The following SKIC3 variants were observed in gnomAD, a reference collection of about 807,000 sequenced individuals.
The protein encoded by SKIC3 is superkiller complex protein 3.
At chr5:95,514,779 T>G in the SKIC3 span, 13 of 1,477,616 alleles carry the variant, frequency 8.8e-6, no homozygotes, top group Non-Finnish European at 1.1e-5. Context: ...CCGTTACCAT[T>G]ATTATCACTG....
At chr5:95,526,673 C>A in the SKIC3 span, among the ~76,000 whole-genome samples, 1 of 151,996 alleles carries the variant, frequency 6.6e-6, no homozygotes, top group African/African-American at 2.4e-5. Context: ...AGAGTTTCAC[C>A]ATATTGGCTG....
chr5:95,503,673 G>A, the SKIC3 span: 6 of 1,126,334 alleles, frequency 5.3e-6, no homozygotes, highest in Non-Finnish European at 7.9e-6. Flanking sequence ...AAAGTGCCTA[G>A]TATTGCTGCT....
At chr5:95,473,095 A>C in the SKIC3 span, among the ~76,000 whole-genome samples, 1 of 152,106 alleles carries the variant, frequency 6.6e-6, no homozygotes, top group Non-Finnish European at 1.5e-5. Context: ...TCATGGTATG[A>C]TGATCTATTT....
chr5:95,481,181 GT>G, the SKIC3 span, among the ~76,000 whole-genome samples: 3 of 152,056 alleles, frequency 2.0e-5, no homozygotes, highest in African/African-American at 7.2e-5. Flanking sequence ...TATTGATATG[GT>G]TTGGCTGTGT....
chr5:95,474,754 T>C, the SKIC3 span, among the ~76,000 whole-genome samples: 1 of 152,240 alleles, frequency 6.6e-6, no homozygotes, highest in Non-Finnish European at 1.5e-5. Context: ...GAGTTGTAGA[T>C]TTGGTCTCTT....
At chr5:95,471,831 C>T in the SKIC3 span, among the ~76,000 whole-genome samples, 1 of 152,196 alleles carries the variant, frequency 6.6e-6, no homozygotes, top group South Asian at 2.1e-4. Context: ...AGCAGAGACT[C>T]CCAACTTCAT....
the SKIC3 span, chr5:95,478,369 A>G: frequency 5.0e-6 from 8 of 1,614,032 alleles, no homozygotes; most frequent in Non-Finnish European, 6.8e-6. Flanking sequence ...TTGGGATGCC[A>G]ATTGTAGACT....
the SKIC3 span, chr5:95,467,913 AC>A: frequency 1.2e-6 from 2 of 1,613,686 alleles, no homozygotes; most frequent in Non-Finnish European, 8.5e-7. Flanking sequence ...CTCAGTAGGT[AC>A]CAACGTGCAG....
the SKIC3 span, among the ~76,000 whole-genome samples, chr5:95,501,031 C>T: frequency 6.6e-6 from 1 of 152,050 alleles, no homozygotes. Context: ...AGAGTTAATA[C>T]ATATGTGTCC....
At chr5:95,498,454 T>C in the SKIC3 span, 1 of 1,614,200 alleles carries the variant, frequency 6.2e-7, no homozygotes, top group South Asian at 1.1e-5. Context: ...AAGGCACCTC[T>C]GATAATTACT....
chr5:95,528,790 A>T, the SKIC3 span: 1 of 558,000 alleles, frequency 1.8e-6, no homozygotes, highest in Non-Finnish European at 3.2e-6. Flanking sequence ...ATGCAGGAAA[A>T]TTTTGCTAAA....
At chr5:95,493,628 A>G in the SKIC3 span, among the ~76,000 whole-genome samples, 1 of 152,086 alleles carries the variant, frequency 6.6e-6, no homozygotes, top group Non-Finnish European at 1.5e-5. Flanking sequence ...TTTACAAAAT[A>G]ATCCCTGAAA....
chr5:95,503,738 C>T, the SKIC3 span: 1,078 of 1,597,172 alleles, frequency 6.7e-4, 2 homozygotes, highest in Non-Finnish European at 8.4e-4. Flanking sequence ...CTCATTATTA[C>T]ATCTTTCTGT....
At chr5:95,515,491 C>T in the SKIC3 span, among the ~76,000 whole-genome samples, 1 of 151,962 alleles carries the variant, frequency 6.6e-6, no homozygotes, top group Non-Finnish European at 1.5e-5. Context: ...ATACTATTTT[C>T]TCAACAATCT....
At chr5:95,467,822 T>C in the SKIC3 span, 1 of 1,611,040 alleles carries the variant, frequency 6.2e-7, no homozygotes, top group South Asian at 1.1e-5. Flanking sequence ...ACATTTTAAA[T>C]AAAATCAATG....
chr5:95,479,200 C>T, the SKIC3 span, among the ~76,000 whole-genome samples: 1 of 152,138 alleles, frequency 6.6e-6, no homozygotes, highest in African/African-American at 2.4e-5. Flanking sequence ...GATTTAAACA[C>T]ACACACACAA....
chr5:95,499,033 G>C, the SKIC3 span, among the ~76,000 whole-genome samples: 3 of 152,120 alleles, frequency 2.0e-5, no homozygotes, highest in Non-Finnish European at 4.4e-5. Flanking sequence ...TAATATAAAA[G>C]CAAATTTCTT....
the SKIC3 span, among the ~76,000 whole-genome samples, chr5:95,487,060 G>C: frequency 6.6e-6 from 1 of 152,132 alleles, no homozygotes. Context: ...CCCTTAATCT[G>C]GTGGGCACAA....
the SKIC3 span, among the ~76,000 whole-genome samples, chr5:95,545,391 T>G: frequency 6.6e-6 from 1 of 152,194 alleles, no homozygotes; most frequent in South Asian, 2.1e-4. Context: ...CTTAGACTCA[T>G]CCTCATATTG....
Sources: gnomAD v4.1 joint callset for allele counts (sites outside exome capture counted in the v4.1 genomes callset) on GRCh38, gnomAD v4.1.1 for gene constraint, MANE v1.5 for transcripts, NCBI Gene and HGNC (gene_info 2026-07-23, HGNC 2026-07-21) for gene names.